The following RBFOX1 variants were observed in gnomAD, a reference collection of about 807,000 sequenced individuals.
RBFOX1 encodes the protein RNA binding fox-1 homolog 1.
In RBFOX1, 8 loss-of-function variants were observed where a neutral mutation model predicts 57.7. The observed-to-expected ratio is 0.14, with a 90% CI of 0.08 to 0.25. RBFOX1 has a LOEUF of 0.25. RBFOX1 is among the 10% of genes least tolerant of loss of function. The pLI is 1.00. For synonymous variants in RBFOX1, 326 were observed against 222.4 expected (o/e 1.47, Z -4.15); for missense variants, 611 against 548.5 (o/e 1.11, Z -1.14).
chr16:6,603,013 C>T (rs1434322192), intron 2 of RBFOX1, among the ~76,000 whole-genome samples: 2 of 152,156 alleles, frequency 1.3e-5, no homozygotes, highest in East Asian at 1.9e-4. Flanking sequence ...AAAGAAGTTT[C>T]CCAATTTTAT....
intron 3 of RBFOX1, among the ~76,000 whole-genome samples, chr16:6,737,331 A>G (rs928257654): frequency 1.3e-4 from 19 of 151,618 alleles, no homozygotes; most frequent in African/African-American, 4.6e-4. Flanking sequence ...CTTGTTTAGA[A>G]GTATAAAAAT....
At chr16:7,664,512 C>A (rs371232230) in intron 12 of RBFOX1, among the ~76,000 whole-genome samples, 1 of 152,156 alleles carries the variant, frequency 6.6e-6, no homozygotes, top group Non-Finnish European at 1.5e-5. Context: ...CTTTACAATC[C>A]GATTTTTAAA....
At chr16:7,105,574 C>A (rs1039701110) in intron 4 of RBFOX1, among the ~76,000 whole-genome samples, 3 of 152,020 alleles carry the variant, frequency 2.0e-5, no homozygotes, top group African/African-American at 7.2e-5. Context: ...TGAGAACATA[C>A]AACGTTTGGT....
At position 7,712,735 on chromosome 16, in the gene RBFOX1, G is replaced by C. The variant is rs769764313; in HGVS notation, c.*1990G>C. ...TGGGTGCCTGGTTGATGTTCTTAAA[G>C]GAAACGAATTATTAAAACACTATGA... On this transcript the variant is annotated 3_prime_UTR_variant, in exon 16 of 16. Coordinates refer to ENST00000550418, the MANE Select transcript of RBFOX1 (RefSeq NM_018723.4). The C allele has an allele frequency of 6.6e-6, 1 of 152,188 alleles. No homozygotes were observed. The highest frequency in any genetic ancestry group is 1.5e-5 in the Non-Finnish European group (1 of 68,042). 9.4% of individuals were successfully genotyped at this position (152,188 alleles called of 1,614,324 possible).
chr16:6,880,982 C>T (rs756793061), intron 3 of RBFOX1, among the ~76,000 whole-genome samples: 1 of 152,154 alleles, frequency 6.6e-6, no homozygotes, highest in Non-Finnish European at 1.5e-5. Flanking sequence ...GATGAATACA[C>T]AGTGAGAGCC....
intron 4 of RBFOX1, among the ~76,000 whole-genome samples, chr16:7,221,888 C>G (rs1047873209): frequency 6.6e-6 from 1 of 152,222 alleles, no homozygotes; most frequent in Non-Finnish European, 1.5e-5. Flanking sequence ...TCCACAAGAG[C>G]TGACATCTCT....
chr16:6,536,110 A>T (rs547860857), intron 2 of RBFOX1, among the ~76,000 whole-genome samples: 118 of 152,326 alleles, frequency 7.7e-4, no homozygotes, highest in Admixed American at 2.0e-3. Context: ...AATGCTTAGT[A>T]AGTATTGATA....
intron 2 of RBFOX1, among the ~76,000 whole-genome samples, chr16:5,528,330 T>A (rs1463632300): frequency 6.6e-6 from 1 of 152,132 alleles, no homozygotes; most frequent in Non-Finnish European, 1.5e-5. Flanking sequence ...ACTCAGTAGA[T>A]CTGGGTTTAG....
intron 3 of RBFOX1, among the ~76,000 whole-genome samples, chr16:5,661,795 A>AT (rs1028598647): frequency 4.2e-4 from 64 of 151,534 alleles, no homozygotes; most frequent in Non-Finnish European, 7.5e-4. Context: ...GCCTTTTTTT[A>AT]TTTTTTTTGA....
intron 3 of RBFOX1, among the ~76,000 whole-genome samples, chr16:6,989,426 A>T (rs940168487): frequency 6.6e-6 from 1 of 152,194 alleles, no homozygotes; most frequent in African/African-American, 2.4e-5. Flanking sequence ...TTAACGGTGC[A>T]ATTAGAACTT....
chr16:6,644,398 C>T (rs1342002643), intron 2 of RBFOX1, among the ~76,000 whole-genome samples: 2 of 152,234 alleles, frequency 1.3e-5, no homozygotes, highest in Admixed American at 1.3e-4. Context: ...TCTGCTATAA[C>T]ATTTATTTGC....
rs533400658 is a variant in RBFOX1 at position 7,036,714 on chromosome 16, A to C, written c.-15-15343A>C. On this transcript the variant is annotated intron_variant, in intron 3 of 15. Transcript: ENST00000550418. ...TCTCAAAAACAAACAAACAAACAAA[A>C]AAAACAAAAAACAAACAAAGAAAAA... Among the ~76,000 whole-genome samples, 35 of 123,584 alleles carry C rather than the reference A, an allele frequency of 2.8e-4. No individual in the cohort carries two copies. The South Asian group carries it at 8.9e-3, about 31-fold the overall frequency. The allele number at this position is 123,584 out of a possible 152,430, so 81.1% of individuals were successfully genotyped here. A position where few individuals can be genotyped will look rare whatever the true frequency, so the allele number is the denominator to read the frequency against.
rs1301059005 is a variant in RBFOX1 at position 7,300,723 on chromosome 16, C to T, written c.28-217424C>T. On this transcript the variant is annotated intron_variant, in intron 4 of 15. Coordinates refer to ENST00000550418, the MANE Select transcript of RBFOX1 (RefSeq NM_018723.4). Reference sequence around the variant, plus strand: ...TGGTTTCCATTCTTCTTTTAAATTGCTGGCAAAGTTGGAAGAAAAAAAGTT... The same window carrying T: ...TGGTTTCCATTCTTCTTTTAAATTGTTGGCAAAGTTGGAAGAAAAAAAGTT... Among the ~76,000 whole-genome samples the T allele has an allele frequency of 2.0e-5, 3 of 152,244 alleles. No individual in the cohort carries two copies. The East Asian group carries it at 5.8e-4, about 29-fold the overall frequency.
chr16:5,334,979 G>A (rs2064858662), intron 1 of RBFOX1, among the ~76,000 whole-genome samples: 1 of 152,134 alleles, frequency 6.6e-6, no homozygotes, highest in African/African-American at 2.4e-5. Context: ...ACTTCAAGTA[G>A]ACTTGTTTTT....
intron 1 of RBFOX1, among the ~76,000 whole-genome samples, chr16:5,411,687 C>G (rs888155159): frequency 6.6e-6 from 1 of 151,836 alleles, no homozygotes; most frequent in Non-Finnish European, 1.5e-5. Context: ...ATTGCTTGAG[C>G]CCAGGAGTTT....
intron 3 of RBFOX1, among the ~76,000 whole-genome samples, chr16:5,634,353 A>G (rs543140658): frequency 5.3e-5 from 8 of 152,252 alleles, no homozygotes; most frequent in Admixed American, 2.6e-4. Flanking sequence ...TACTGATACA[A>G]GTGATAAAAA....
intron 4 of RBFOX1, among the ~76,000 whole-genome samples, chr16:7,398,616 C>A (rs142629868): frequency 3.1e-4 from 47 of 152,308 alleles, no homozygotes; most frequent in African/African-American, 1.1e-3. Context: ...CATTTCTAGG[C>A]AAGAAATTAT....
At chr16:6,594,881 C>T (rs557934970) in intron 2 of RBFOX1, among the ~76,000 whole-genome samples, 14 of 152,236 alleles carry the variant, frequency 9.2e-5, no homozygotes, top group African/African-American at 1.2e-4. Flanking sequence ...CTCCGCCTCC[C>T]GGGTTCAAGC....
intron 2 of RBFOX1, among the ~76,000 whole-genome samples, chr16:5,530,126 C>T (rs2044407350): frequency 6.6e-6 from 1 of 152,132 alleles, no homozygotes. Flanking sequence ...GCTATGGTAG[C>T]CCCAGTGGTC....
Sources: allele counts gnomAD v4.1 joint callset (sites outside exome capture counted in the v4.1 genomes callset), GRCh38; gene constraint gnomAD v4.1.1; transcripts MANE v1.5; gene names NCBI Gene and HGNC (gene_info 2026-07-23, HGNC 2026-07-21).